The following BCL7A variants were observed in gnomAD, a reference collection of about 807,000 sequenced individuals.
BCL7A encodes the protein BAF chromatin remodeling complex subunit BCL7A.
A neutral mutation model predicts 28.4 loss-of-function variants in BCL7A; 11 were observed. The ratio of observed to expected loss-of-function variants is 0.39; its 90% CI spans 0.24 to 0.64. The LOEUF (loss-of-function observed/expected upper bound fraction) is 0.64, where lower values mean the gene tolerates loss of function less well. Among genes scored for constraint, BCL7A ranks in the 30% least tolerant of loss-of-function variants. The pLI is 0.50. For missense variants in BCL7A, 222 were observed against 274.8 expected (o/e 0.81, Z 1.36); for synonymous variants, 123 against 103.3 (o/e 1.19, Z -1.15).
chr12:122,023,675 T>A (rs538657437), intron 1 of BCL7A, among the ~76,000 whole-genome samples: 1 of 152,266 alleles, frequency 6.6e-6, no homozygotes, highest in African/African-American at 2.4e-5. Context: ...AAGTCGTCGG[T>A]GTCTCGGGAG....
intron 1 of BCL7A, among the ~76,000 whole-genome samples, chr12:122,028,228 G>A (rs74892104): frequency 0.01 from 1,566 of 152,276 alleles, 30 homozygotes; most frequent in African/African-American, 0.036. Context: ...CGGTGAAGAG[G>A]TTGCCAGTTG....
intron 4 of BCL7A, among the ~76,000 whole-genome samples, chr12:122,051,866 CTTTTT>C (rs34244407): frequency 3.7e-5 from 3 of 80,302 alleles, no homozygotes; most frequent in African/African-American, 1.5e-4. Flanking sequence ...CTCTCTCTCT[CTTTTT>C]TTTTTTTTTT....
intron 3 of BCL7A, among the ~76,000 whole-genome samples, chr12:122,042,033 G>A (rs985228223): frequency 1.3e-5 from 2 of 152,108 alleles, no homozygotes; most frequent in South Asian, 2.1e-4. Flanking sequence ...CCGAGATCGC[G>A]CCACCGCACT....
chr12:122,022,007 G>C lies in BCL7A; in HGVS notation c.-85G>C. 8.6e-7 allele frequency: 1 copy of C among 1,157,680 alleles called. No individual in the cohort carries two copies. The highest frequency in any genetic ancestry group is 1.2e-6 in the Non-Finnish European group (1 of 823,244). The allele number at this position is 1,157,680 out of a possible 1,614,324, so 71.7% of individuals were successfully genotyped here. A position where few individuals can be genotyped will look rare whatever the true frequency, so the allele number is the denominator to read the frequency against. The stretch of plus-strand genomic sequence containing the variant: ...GTGTCTGTGCGCGAGTGAGTGAGCG[G>C]CGGGCGGGCGCGAGTGTGGCCGCCG... On this transcript the variant is annotated 5_prime_UTR_variant, in exon 1 of 6. Transcript: ENST00000261822.
At chr12:122,047,899 CTTTTTTTTTTT>C (rs776109345) in intron 4 of BCL7A, among the ~76,000 whole-genome samples, 1 of 101,002 alleles carries the variant, frequency 9.9e-6, no homozygotes, top group African/African-American at 4.0e-5. Flanking sequence ...CTGGAGAAGG[CTTTTTTTTTTT>C]TTTTTTTTTT....
Position 122,022,130 on chromosome 12 carries a change from G to T in BCL7A, c.39G>T (p.Arg13=). The change falls in exon 1 of 6, where the codon CGG becomes CGT. Residue 13 remains arginine, a synonymous_variant. Transcript: ENST00000261822. The part of the protein sequence containing the change: ...GRSVRAETRS[R]AKDDIKRVMA... ...CGGTTCGAGCCGAGACGAGGAGCCG[G>T]GCCAAAGATGATATCAAGAGGGTCA... The T allele has an allele frequency of 6.3e-7, 1 of 1,587,190 alleles. No individual in the cohort carries two copies. The highest frequency in any genetic ancestry group is 2.3e-5 in the East Asian group (1 of 43,326).
chr12:122,057,260 G>C (rs926439047), intron 5 of BCL7A, among the ~76,000 whole-genome samples: 2 of 152,230 alleles, frequency 1.3e-5, no homozygotes, highest in African/African-American at 4.8e-5. Flanking sequence ...ACAGGAGCCA[G>C]CTTGAAGAAC....
chr12:122,054,191 C>T (rs1046501421), intron 4 of BCL7A, among the ~76,000 whole-genome samples: 92 of 152,090 alleles, frequency 6.0e-4, no homozygotes, highest in Non-Finnish European at 1.2e-3. Context: ...TTCACGCCAT[C>T]CTCCTGCCTC....
intron 1 of BCL7A, among the ~76,000 whole-genome samples, chr12:122,023,017 G>A: frequency 6.6e-6 from 1 of 152,186 alleles, no homozygotes; most frequent in Non-Finnish European, 1.5e-5. Flanking sequence ...TGTTGTTTTT[G>A]TTCTCTGCAC....
intron 4 of BCL7A, among the ~76,000 whole-genome samples, chr12:122,052,740 T>G (rs1416125376): frequency 1.3e-5 from 2 of 152,046 alleles, no homozygotes; most frequent in African/African-American, 2.4e-5. Flanking sequence ...TGGAGTGCAG[T>G]GGCATGATCT....
At chr12:122,031,200 C>T (rs905605261) in intron 2 of BCL7A, among the ~76,000 whole-genome samples, 7 of 152,154 alleles carry the variant, frequency 4.6e-5, no homozygotes, top group Admixed American at 3.9e-4. Context: ...CCAATTTTTT[C>T]GTATTTTTAG....
At position 122,029,898 on chromosome 12, in the gene BCL7A, A is replaced by T. The variant is rs1382148796; in HGVS notation, c.93-802A>T. On this transcript the variant is annotated intron_variant, in intron 1 of 5. Coordinates refer to ENST00000261822, the MANE Select transcript of BCL7A (RefSeq NM_001024808.3). The surrounding 1 kb of genome is among the most constrained non-coding windows in gnomAD (Gnocchi z 4.3). ...CGGAGCAGAGTGGTGGTGGTGGAGG[A>T]GAGGGTGGGCATTGTTATCTCGAAT... 6.6e-6 allele frequency among the ~76,000 whole-genome samples: 1 copy of T among 151,960 alleles called. No homozygotes were observed. The highest frequency in any genetic ancestry group is 1.5e-5 in the Non-Finnish European group (1 of 67,980).
chr12:122,039,526 T>A (rs936410564), intron 3 of BCL7A, among the ~76,000 whole-genome samples: 27 of 142,118 alleles, frequency 1.9e-4, no homozygotes, highest in Admixed American at 2.9e-4. Flanking sequence ...TTATATATAT[T>A]ATATAATATA....
rs1173044500 is a variant in BCL7A at position 122,033,281 on chromosome 12, A to G, written c.175-2050A>G. 1.2e-4 allele frequency among the ~76,000 whole-genome samples: 18 copies of G among 151,932 alleles called. 1 individual carries two copies. Among genetic ancestry groups the G allele is most frequent in the Non-Finnish European group, 2.1e-4 (14 of 67,992 alleles). On this transcript the variant is annotated intron_variant, in intron 2 of 5. Coordinates refer to ENST00000261822, the MANE Select transcript of BCL7A (RefSeq NM_001024808.3). ...CTCCTGAGTAGCTGAGACTGCAGGCATGCATACCTGGCTAATTTATTTATT... is the reference window on the plus strand; with the variant it reads ...CTCCTGAGTAGCTGAGACTGCAGGCGTGCATACCTGGCTAATTTATTTATT...
Position 122,022,105 on chromosome 12 carries a change from C to T in BCL7A, c.14C>T (p.Ser5Leu). ...CCCGCCGGAACCATGTCGGGCAGGT[C>T]GGTTCGAGCCGAGACGAGGAGCCGG... MSGR[S>L]VRAETRSRAK... The change falls in exon 1 of 6, where the codon TCG becomes TTG. Residue 5 changes from serine to leucine, a missense_variant. Coordinates refer to ENST00000261822, the MANE Select transcript of BCL7A (RefSeq NM_001024808.3). The T allele has an allele frequency of 6.4e-7, 1 of 1,570,034 alleles. No homozygotes were observed. Among genetic ancestry groups the T allele is most frequent in the Non-Finnish European group, 8.6e-7 (1 of 1,157,382 alleles).
intron 4 of BCL7A, chr12:122,044,256 C>A: frequency 1.7e-6 from 1 of 599,776 alleles, no homozygotes; most frequent in Non-Finnish European, 2.8e-6. Context: ...TGCCTGTAAT[C>A]CCTGCACTTT....
intron 4 of BCL7A, among the ~76,000 whole-genome samples, chr12:122,046,972 C>T (rs961280520): frequency 6.6e-6 from 1 of 150,470 alleles, no homozygotes. Flanking sequence ...GACGTGATCT[C>T]GGCTCACTGC....
chr12:122,059,696 C>T lies in BCL7A; in HGVS notation c.*533C>T, dbSNP rs963063336. The stretch of plus-strand genomic sequence containing the variant: ...GGCGGCTGCCACCCTACTCACCGCT[C>T]TCCTCCCTGCCCCAGGACTTCATCG... On this transcript the variant is annotated 3_prime_UTR_variant, in exon 6 of 6. Transcript: ENST00000261822. This position sits in a 1 kb window ranked among gnomAD's most constrained non-coding sequence, Gnocchi z 4.0. 1.1e-4 allele frequency: 26 copies of T among 232,932 alleles called. No homozygotes were observed. In the East Asian group the frequency reaches 1.5e-3, roughly 14 times the overall value. 14.4% of individuals were successfully genotyped at this position (232,932 alleles called of 1,614,324 possible). A position where few individuals can be genotyped will look rare whatever the true frequency, so the allele number is the denominator to read the frequency against.
intron 2 of BCL7A, among the ~76,000 whole-genome samples, chr12:122,032,977 G>A (rs193243994): frequency 6.6e-6 from 1 of 152,264 alleles, no homozygotes; most frequent in Non-Finnish European, 1.5e-5. Flanking sequence ...CTTGTGGAGG[G>A]AGAGCTTTTT....
Sources: gnomAD v4.1 joint callset for allele counts (sites outside exome capture counted in the v4.1 genomes callset) on GRCh38, gnomAD v4.1.1 for gene constraint, Gnocchi (gnomAD v3.1) non-coding constraint, MANE v1.5 for transcripts, NCBI Gene and HGNC (gene_info 2026-07-23, HGNC 2026-07-21) for gene names.